SNRPN: variants seen among roughly 807,000 people sequenced by gnomAD.
SNRPN encodes small nuclear ribonucleoprotein polypeptide N.
In SNRPN, 7 loss-of-function variants were observed where a neutral mutation model predicts 25.2. That is an observed-to-expected ratio of 0.28 (90% confidence interval 0.16 to 0.52). SNRPN has a LOEUF of 0.52. Among genes scored for constraint, SNRPN ranks in the 20% least tolerant of loss-of-function variants. The pLI, the probability that SNRPN is intolerant of heterozygous loss-of-function variation, is 0.96. For missense variants in SNRPN, 196 were observed against 322.5 expected, an observed-to-expected ratio of 0.61 and a Z score of 3.00; for synonymous variants, 124 against 110.6, an observed-to-expected ratio of 1.12 and a Z score of -0.76.
At chr15:24,864,274 C>T (rs11634639) in intron 1 of SNRPN, among the ~76,000 whole-genome samples, 70,257 of 142,354 alleles carry the variant, frequency 0.49, 18,308 homozygotes, top group African/African-American at 0.62. Context: ...GTGATCCGCC[C>T]GCCTCGGCCT....
At chr15:24,916,963 G>C (rs1490154725) in intron 2 of SNRPN, among the ~76,000 whole-genome samples, 1 of 152,200 alleles carries the variant, frequency 6.6e-6, no homozygotes, top group Non-Finnish European at 1.5e-5. Flanking sequence ...GGCTGGGGTG[G>C]AGTGGCCAGC....
At chr15:24,872,059 C>T (rs1217517435) in intron 1 of SNRPN, among the ~76,000 whole-genome samples, 1 of 120,928 alleles carries the variant, frequency 8.3e-6, no homozygotes, top group African/African-American at 2.8e-5. Context: ...TGTTGAATGA[C>T]AAACATTTTA....
At chr15:24,943,871 G>T (rs1254970069) in intron 3 of SNRPN, among the ~76,000 whole-genome samples, 1 of 151,786 alleles carries the variant, frequency 6.6e-6, no homozygotes, top group Non-Finnish European at 1.5e-5. Context: ...TCCCAGGCTG[G>T]AGTGCAGTGG....
intron 2 of SNRPN, among the ~76,000 whole-genome samples, chr15:24,838,913 A>T (rs2051446538): frequency 6.6e-6 from 1 of 151,964 alleles, no homozygotes; most frequent in South Asian, 2.1e-4. Flanking sequence ...AATTAGAGTT[A>T]GGGGGCCCTT....
chr15:24,920,192 T>G (rs2059947116), intron 3 of SNRPN: 1 of 152,194 alleles, frequency 6.6e-6, no homozygotes, highest in Non-Finnish European at 1.5e-5. Flanking sequence ...ACATCCTGTC[T>G]AGTCTGTGAC....
chr15:24,884,239 T>C (rs555432646), intron 1 of SNRPN, among the ~76,000 whole-genome samples: 1 of 149,000 alleles, frequency 6.7e-6, no homozygotes, highest in South Asian at 2.2e-4. Context: ...AAGGTTGAGG[T>C]GGGAGGATCG....
At chr15:24,974,832 T>C in intron 4 of SNRPN, 1 of 680,602 alleles carries the variant, frequency 1.5e-6, no homozygotes, top group Non-Finnish European at 2.7e-6. Context: ...GTGCTGGGAT[T>C]ACAGGCATGA....
intron 2 of SNRPN, chr15:24,849,481 C>T (rs776839505): frequency 6.6e-6 from 1 of 152,308 alleles, no homozygotes; most frequent in Non-Finnish European, 1.5e-5. Context: ...ATAAACGGGA[C>T]ACAGGTCAGA....
At chr15:24,963,343 A>C (rs1325956623) in intron 2 of SNRPN, among the ~76,000 whole-genome samples, 2 of 152,188 alleles carry the variant, frequency 1.3e-5, no homozygotes, top group Non-Finnish European at 2.9e-5. Flanking sequence ...TAGGCCAGGC[A>C]TGGTGGCCCA....
At chr15:24,927,618 T>C (rs890613236) in intron 3 of SNRPN, among the ~76,000 whole-genome samples, 2 of 151,548 alleles carry the variant, frequency 1.3e-5, no homozygotes, top group African/African-American at 4.8e-5. Flanking sequence ...AAGATATTAA[T>C]TCAGGAAATA....
chr15:24,975,336 A>G (rs2076946598), intron 4 of SNRPN, 22 bp from the exon 5 acceptor site: 1 of 1,605,824 alleles, frequency 6.2e-7, no homozygotes, highest in Non-Finnish European at 8.5e-7. Context: ...GCTGAACATG[A>G]CTCTTGTCTT....
chr15:24,955,158 A>G lies in SNRPN; in HGVS notation c.-391+96A>G, dbSNP rs568085420. On this transcript the variant is annotated intron_variant, in intron 1 of 9. Transcript: ENST00000390687. ...AAGTTTTTAGGACTTGGAGTACTGA[A>G]TAAACGGAATTTGGGCCCTAAAGTC... The G allele has an allele frequency of 2.3e-5, 36 of 1,536,376 alleles. 1 individual carries two copies. In the Admixed American group the frequency reaches 3.3e-4, roughly 14 times the overall value.
At chr15:24,828,950 G>A (rs1178629719) in intron 1 of SNRPN, among the ~76,000 whole-genome samples, 1 of 151,980 alleles carries the variant, frequency 6.6e-6, no homozygotes, top group African/African-American at 2.4e-5. Flanking sequence ...AGGCTGAGGG[G>A]AGTCACATGT....
At position 24,945,343 on chromosome 15, in the gene SNRPN, TA is replaced by T. The variant is rs11422448; in HGVS notation, c.-390-16748del. 3.6e-3 allele frequency among the ~76,000 whole-genome samples: 301 copies of T among 83,724 alleles called. 1 individual carries two copies. The highest frequency in any genetic ancestry group is 0.013 in the African/African-American group (255 of 20,118). 54.9% of individuals were successfully genotyped at this position (83,724 alleles called of 152,430 possible). A position where few individuals can be genotyped will look rare whatever the true frequency, so the allele number is the denominator to read the frequency against. The stretch of plus-strand genomic sequence containing the variant: ...CTCCCCCTTTCCCCCACCCACCATG[TA>T]AAAAAAAAAAAAAAAAAAAAAAGTA... On this transcript the variant is annotated intron_variant, in intron 3 of 11. Coordinates refer to the SNRPN transcript ENST00000400097.
At position 24,929,224 on chromosome 15, in the gene SNRPN, C is replaced by T. The variant is rs898378828; in HGVS notation, c.-391+9100C>T. 2.0e-5 allele frequency among the ~76,000 whole-genome samples: 3 copies of T among 152,018 alleles called. No homozygotes were observed. Among genetic ancestry groups the T allele is most frequent in the Admixed American group, 2.0e-4 (3 of 15,254 alleles). ...ATGTATTTATAGTGATATTTTCCAT[C>T]CCAATCTACACCGCAGGGTTTTTCC... On this transcript the variant is annotated intron_variant, in intron 3 of 11. Transcript: ENST00000400097. The surrounding 1 kb of genome is among the most constrained non-coding windows in gnomAD (Gnocchi z 5.3).
At chr15:24,862,697 C>T (rs1424347726) in intron 1 of SNRPN, among the ~76,000 whole-genome samples, 1 of 151,010 alleles carries the variant, frequency 6.6e-6, no homozygotes, top group African/African-American at 2.5e-5. Context: ...AGTGCAAGAG[C>T]TGCCCTTAGG....
At chr15:24,850,249 T>C (rs1595454074) in intron 2 of SNRPN, 1 of 152,306 alleles carries the variant, frequency 6.6e-6, no homozygotes, top group Non-Finnish European at 1.5e-5. Flanking sequence ...CTTGACAAAA[T>C]AATTTTTAAA....
intron 1 of SNRPN, among the ~76,000 whole-genome samples, chr15:24,866,399 T>A (rs1402193097): frequency 6.6e-6 from 1 of 152,158 alleles, no homozygotes; most frequent in Admixed American, 6.5e-5. Flanking sequence ...ATCCACTTTT[T>A]AAGCATTTTT....
At chr15:24,866,950 CGT>C (rs1242513737) in intron 1 of SNRPN, among the ~76,000 whole-genome samples, 4 of 151,580 alleles carry the variant, frequency 2.6e-5, no homozygotes, top group African/African-American at 9.8e-5. Flanking sequence ...AGGTTGATTC[CGT>C]ATGTTTGCTA....
Sources: gnomAD v4.1 joint callset for allele counts (sites outside exome capture counted in the v4.1 genomes callset) on GRCh38, gnomAD v4.1.1 for gene constraint, Gnocchi (gnomAD v3.1) non-coding constraint, MANE v1.5 for transcripts, NCBI Gene and HGNC (gene_info 2026-07-23, HGNC 2026-07-21) for gene names.